Variants in MATR3 observed in about 807,000 individuals in gnomAD.
MATR3 encodes the protein matrin 3.
A neutral mutation model predicts 85.5 loss-of-function variants in MATR3; 4 were observed. The ratio of observed to expected loss-of-function variants is 0.05; its 90% CI spans 0.02 to 0.11. The LOEUF is 0.11. MATR3 is among the 10% of genes least tolerant of loss of function. The pLI, the probability that MATR3 is intolerant of heterozygous loss-of-function variation, is 1.00. For missense variants in MATR3, 685 were observed against 1,016.1 expected, an observed-to-expected ratio of 0.67 and a Z score of 4.43; for synonymous variants, 336 against 343.1, an observed-to-expected ratio of 0.98 and a Z score of 0.23.
chr5:139,295,062 T>C (rs1360551228), intron 1 of MATR3: 3 of 152,242 alleles, frequency 2.0e-5, no homozygotes, highest in African/African-American at 7.2e-5. Context: ...TTAAGATTTC[T>C]GAATAGTCGG....
At chr5:139,328,018 C>T (rs1190898479) in intron 14 of MATR3, among the ~76,000 whole-genome samples, 1 of 151,756 alleles carries the variant, frequency 6.6e-6, no homozygotes, top group Non-Finnish European at 1.5e-5. Flanking sequence ...TGTGCCACTT[C>T]GCCTGGCTAA....
At chr5:139,323,845 C>T (rs551022388) in intron 12 of MATR3, among the ~76,000 whole-genome samples, 1 of 152,066 alleles carries the variant, frequency 6.6e-6, no homozygotes, top group African/African-American at 2.4e-5. Context: ...TAGCCAAGAT[C>T]ACATCACTGT....
At chr5:139,274,111 T>G (rs1444555197) in exon 1 of MATR3, 1 of 448,790 alleles carries the variant, frequency 2.2e-6, no homozygotes, top group Non-Finnish European at 4.4e-6. Flanking sequence ...CCCTTTCCCC[T>G]CCGGCCTCTG....
intron 2 of MATR3, chr5:139,276,208 C>G (rs1753270764): frequency 2.2e-6 from 1 of 456,566 alleles, no homozygotes; most frequent in Admixed American, 2.3e-5. Context: ...CCTAGGTTGT[C>G]TTGTACCTAG....
chr5:139,316,092 T>C lies in MATR3; in HGVS notation c.1033T>C (p.Leu345=). 6.2e-7 allele frequency: 1 copy of C among 1,612,318 alleles called. No homozygotes were observed. Residue 345 remains leucine (L), a synonymous_variant, in exon 5 of 15, where the codon TTG becomes CTG. Transcript: ENST00000394805. ...CTTTACTAGGGGTGATCCATTCATGTTGCAGCAGTCTACAAATCCAGCACC... is the reference window on the plus strand; with the variant it reads ...CTTTACTAGGGGTGATCCATTCATGCTGCAGCAGTCTACAAATCCAGCACC... ...TGHTMGDPFM[L]QQSTNPAPGI... is the part of the protein sequence containing the mutation.
chr5:139,305,474 A>G (rs1261228358), intron 1 of MATR3, among the ~76,000 whole-genome samples: 10 of 152,216 alleles, frequency 6.6e-5, no homozygotes, highest in Admixed American at 2.0e-4. Context: ...CAAAGCTGCA[A>G]TTAATAACCC....
rs1162282091 is a variant in MATR3, at chr5:139,302,962, A to AT, written c.-177-4270dup. Among the ~76,000 whole-genome samples the AT allele has an allele frequency of 3.3e-5, 5 of 151,218 alleles. No homozygotes were observed. In the East Asian group the frequency reaches 9.7e-4, roughly 29 times the overall value. On this transcript the variant is annotated intron_variant, in intron 1 of 14. Coordinates refer to ENST00000394805, the MANE Select transcript of MATR3 (RefSeq NM_018834.6). ...GTTAAAATAATGTCATTATGAAGGT[A>AT]TTTTTTTCCCTGAGTATCTCTAGTT...
chr5:139,314,770 T>C (rs1388466113), intron 3 of MATR3, 34 bp downstream of exon 3: 12 of 1,592,416 alleles, frequency 7.5e-6, no homozygotes, highest in Middle Eastern at 1.7e-4. Flanking sequence ...AACATCCTTA[T>C]CGTGAATCAG....
At chr5:139,277,761 C>CTTTTTT (rs35759733) in intron 2 of MATR3, among the ~76,000 whole-genome samples, 1 of 128,042 alleles carries the variant, frequency 7.8e-6, no homozygotes, top group Non-Finnish European at 1.6e-5. Context: ...GTCTGCTCGT[C>CTTTTTT]TTTTTTTTTT....
chr5:139,326,113 TAAATA>T (rs1483659970), intron 13 of MATR3, 45 bp from the exon 14 acceptor site: 5 of 1,441,612 alleles, frequency 3.5e-6, no homozygotes, highest in Non-Finnish European at 4.9e-6. Context: ...TTGTGAATAC[TAAATA>T]AAATCTTCAG....
At chr5:139,319,104 T>G in intron 8 of MATR3, 71 bp downstream of exon 8, 2 of 1,524,954 alleles carry the variant, frequency 1.3e-6, no homozygotes, top group Non-Finnish European at 1.8e-6. Context: ...CTGTGGTTAT[T>G]TCAAATTATT....
chr5:139,294,792 C>T (rs1338140264), intron 1 of MATR3: 2 of 152,214 alleles, frequency 1.3e-5, no homozygotes, highest in Non-Finnish European at 2.9e-5. Context: ...GCATTTCGAG[C>T]TCTGTGCCAT....
chr5:139,282,670 G>A (rs535918865), intron 3 of MATR3: 4 of 152,288 alleles, frequency 2.6e-5, no homozygotes, highest in African/African-American at 9.6e-5. Context: ...TGATACATTA[G>A]TATTAACTAA....
At chr5:139,282,304 C>T (rs866843382) in intron 3 of MATR3, among the ~76,000 whole-genome samples, 2 of 152,306 alleles carry the variant, frequency 1.3e-5, no homozygotes, top group South Asian at 4.1e-4. Flanking sequence ...ACATCTTTCT[C>T]CTTAATGCTA....
At chr5:139,310,879 G>T (rs1417396422) in intron 2 of MATR3, 3 of 151,486 alleles carry the variant, frequency 2.0e-5, no homozygotes, top group African/African-American at 4.9e-5. Flanking sequence ...TCGGCTCACC[G>T]CAACCTCCGC....
intron 2 of MATR3, chr5:139,278,540 T>C (rs991560229): frequency 1.4e-5 from 5 of 365,552 alleles, no homozygotes; most frequent in Admixed American, 6.6e-5. Context: ...GAAAGGACAA[T>C]ATATCTTGTT....
At chr5:139,292,242 G>T (rs1420546032), upstream of MATR3, among the ~76,000 whole-genome samples, 1 of 152,078 alleles carries the variant, frequency 6.6e-6, no homozygotes, top group African/African-American at 2.4e-5. Flanking sequence ...GATTACAGGC[G>T]AGATCTACCG....
Position 139,325,502 on chromosome 5 carries a change from T to C in MATR3, c.2211T>C (p.Asn737=), listed in dbSNP as rs1276029922. Residue 737 remains asparagine (N), a synonymous_variant, in exon 13 of 15, where the codon AAT becomes AAC. Coordinates refer to ENST00000394805, the MANE Select transcript of MATR3 (RefSeq NM_018834.6). ...NEAALENGIK[N]EENTEPGAES... is the part of the protein sequence containing the mutation. ...CAGCGTTGGAAAATGGAATTAAAAATGAGGAAAACACAGAACCAGGTGCTG... is the reference window on the plus strand; with the variant it reads ...CAGCGTTGGAAAATGGAATTAAAAACGAGGAAAACACAGAACCAGGTGCTG... 1 of 1,614,160 alleles carries C rather than the reference T, an allele frequency of 6.2e-7. No individual in the cohort carries two copies. Among genetic ancestry groups the C allele is most frequent in the Non-Finnish European group, 8.5e-7 (1 of 1,180,034 alleles).
intron 10 of MATR3, 29 bp from the exon 11 acceptor site, chr5:139,322,433 GT>G (rs746273827): frequency 6.3e-7 from 1 of 1,593,480 alleles, no homozygotes; most frequent in South Asian, 1.1e-5. Context: ...CTGCAAATGT[GT>G]TAACTTCTGC....
Sources: gnomAD v4.1 joint callset for allele counts (sites outside exome capture counted in the v4.1 genomes callset) on GRCh38, gnomAD v4.1.1 for gene constraint, MANE v1.5 for transcripts, NCBI Gene and HGNC (gene_info 2026-07-23, HGNC 2026-07-21) for gene names.